COX7B2: variants seen among roughly 807,000 people sequenced by gnomAD.
COX7B2 encodes the protein cytochrome c oxidase subunit 7B2.
For synonymous variants in COX7B2, 37 were observed against 32.1 expected (o/e 1.15, Z -0.51); for missense variants, 109 against 95.9 (o/e 1.14, Z -0.57).
chr4:46,787,080 G>T lies in COX7B2; in HGVS notation c.-49-51839C>A, dbSNP rs1314484966. On this transcript the variant is annotated intron_variant, in intron 2 of 2. Transcript: ENST00000355591. Reference sequence around the variant, plus strand: ...TGTGTGATCTTAGGAAGGAATGGAAGAGTAAGAAGAACTGATAAGGAATTT... The same window carrying T: ...TGTGTGATCTTAGGAAGGAATGGAATAGTAAGAAGAACTGATAAGGAATTT... Among the ~76,000 whole-genome samples, 3 of 152,334 alleles carry T rather than the reference G, an allele frequency of 2.0e-5. No individual in the cohort carries two copies. The South Asian group carries it at 6.2e-4, about 32-fold the overall frequency.
chr4:46,842,123 G>GCTAT (rs1426184909), intron 2 of COX7B2, among the ~76,000 whole-genome samples: 1 of 151,980 alleles, frequency 6.6e-6, no homozygotes, highest in Non-Finnish European at 1.5e-5. Flanking sequence ...TGTTGTCACT[G>GCTAT]CTATTATCAG....
At chr4:46,775,552 C>T (rs1052377316) in intron 2 of COX7B2, among the ~76,000 whole-genome samples, 4 of 151,856 alleles carry the variant, frequency 2.6e-5, no homozygotes, top group African/African-American at 7.3e-5. Flanking sequence ...TGGGTCATAC[C>T]GCAATGAATA....
intron 1 of COX7B2, among the ~76,000 whole-genome samples, chr4:46,857,047 C>G (rs142526184): frequency 1.3e-5 from 2 of 152,234 alleles, no homozygotes; most frequent in African/African-American, 4.8e-5. Context: ...GCCATTATAC[C>G]AGTTCTTACA....
At chr4:46,844,297 T>C (rs1303086834) in intron 2 of COX7B2, among the ~76,000 whole-genome samples, 1 of 151,972 alleles carries the variant, frequency 6.6e-6, no homozygotes, top group African/African-American at 2.4e-5. Flanking sequence ...AGTTTAGGAA[T>C]TAAATATTCC....
intron 1 of COX7B2, among the ~76,000 whole-genome samples, chr4:46,846,341 A>G (rs995823467): frequency 6.6e-6 from 1 of 152,066 alleles, no homozygotes; most frequent in Non-Finnish European, 1.5e-5. Context: ...AACAATAAAT[A>G]TAATGAATAA....
chr4:46,894,303 C>A (rs1462190019), intron 1 of COX7B2, among the ~76,000 whole-genome samples: 1 of 151,520 alleles, frequency 6.6e-6, no homozygotes, highest in East Asian at 1.9e-4. Flanking sequence ...AGCATGGTAC[C>A]AGAACAGAAT....
chr4:46,808,665 A>G (rs1289379580), intron 2 of COX7B2, among the ~76,000 whole-genome samples: 3 of 151,854 alleles, frequency 2.0e-5, no homozygotes, highest in Non-Finnish European at 4.4e-5. Flanking sequence ...TTATAATATT[A>G]GCTGTGGGTT....
intron 2 of COX7B2, among the ~76,000 whole-genome samples, chr4:46,773,023 T>C (rs1343255064): frequency 6.6e-6 from 1 of 152,192 alleles, no homozygotes; most frequent in Non-Finnish European, 1.5e-5. Context: ...CTGAGGATTT[T>C]CATAAAATTA....
intron 2 of COX7B2, among the ~76,000 whole-genome samples, chr4:46,800,616 A>G (rs750876020): frequency 4.6e-5 from 7 of 152,222 alleles, no homozygotes; most frequent in Non-Finnish European, 1.0e-4. Context: ...AGATGAATTA[A>G]AAACTTAAAA....
In COX7B2 at chr4:46,791,938, G is replaced by T. The variant is rs1025935304; in HGVS notation, c.-50+53022C>A. Among the ~76,000 whole-genome samples the T allele has an allele frequency of 5.3e-5, 8 of 152,040 alleles. 1 individual carries two copies. Among genetic ancestry groups the T allele is most frequent in the African/African-American group, 1.4e-4 (6 of 41,380 alleles). On this transcript the variant is annotated intron_variant, in intron 2 of 2. Transcript: ENST00000355591. ...GCTTCTTTTTTATTTTTGATTCTGG[G>T]GTTTATACCAGTAAAATGAGATAAC...
intron 2 of COX7B2, among the ~76,000 whole-genome samples, chr4:46,821,846 A>C (rs558178453): frequency 1.3e-5 from 2 of 152,192 alleles, no homozygotes; most frequent in African/African-American, 4.8e-5. Flanking sequence ...ACATTGCCAA[A>C]ATTGTTGCCA....
chr4:46,757,537 C>T (rs553662116), intron 2 of COX7B2, among the ~76,000 whole-genome samples: 12 of 152,138 alleles, frequency 7.9e-5, no homozygotes, highest in Admixed American at 6.6e-4. Flanking sequence ...TTTTGCAAGC[C>T]AAAGATCTTT....
At chr4:46,892,930 T>C (rs1322536822) in intron 1 of COX7B2, among the ~76,000 whole-genome samples, 2 of 152,176 alleles carry the variant, frequency 1.3e-5, no homozygotes, top group Non-Finnish European at 2.9e-5. Context: ...TCTGATGGTT[T>C]TAAAAGGGGC....
At chr4:46,851,671 A>T (rs543598677) in intron 1 of COX7B2, among the ~76,000 whole-genome samples, 1 of 152,212 alleles carries the variant, frequency 6.6e-6, no homozygotes, top group South Asian at 2.1e-4. Context: ...CTCCTCCAAA[A>T]TGTAATAGTT....
intron 2 of COX7B2, among the ~76,000 whole-genome samples, chr4:46,805,080 CTCCGAGTG>C (rs1261832611): frequency 6.6e-6 from 1 of 152,202 alleles, no homozygotes; most frequent in Non-Finnish European, 1.5e-5. Context: ...TGGCCAGCCA[CTCCGAGTG>C]CAGGACCCGC....
Position 46,794,087 on chromosome 4 carries a change from G to A in COX7B2, c.-50+50873C>T, listed in dbSNP as rs1052752152. The stretch of plus-strand genomic sequence containing the variant: ...TATGACAAGGCTCAAGTATCAGCAA[G>A]CCTCCAAAGGTGAGGTACAAAGTAT... On this transcript the variant is annotated intron_variant, in intron 2 of 2. Transcript: ENST00000355591. Among the ~76,000 whole-genome samples the A allele has an allele frequency of 3.3e-5, 5 of 152,140 alleles. No individual in the cohort carries two copies. The South Asian group carries it at 1.0e-3, about 32-fold the overall frequency.
At chr4:46,767,252 C>G (rs1409385933) in intron 2 of COX7B2, among the ~76,000 whole-genome samples, 1 of 152,098 alleles carries the variant, frequency 6.6e-6, no homozygotes, top group Admixed American at 6.5e-5. Flanking sequence ...CAAAAATTGT[C>G]ATAGAAAGAC....
intron 2 of COX7B2, among the ~76,000 whole-genome samples, chr4:46,747,929 G>T (rs567085642): frequency 9.9e-5 from 15 of 151,400 alleles, no homozygotes; most frequent in African/African-American, 2.9e-4. Flanking sequence ...AAGAACAAAC[G>T]TAATTTATAA....
At chr4:46,858,740 A>G (rs1436593144) in intron 1 of COX7B2, among the ~76,000 whole-genome samples, 5 of 152,294 alleles carry the variant, frequency 3.3e-5, no homozygotes, top group African/African-American at 1.2e-4. Context: ...CCTGAGTCAT[A>G]GGAGTTGTCA....
Sources: gnomAD v4.1 joint callset for allele counts (sites outside exome capture counted in the v4.1 genomes callset) on GRCh38, gnomAD v4.1.1 for gene constraint, MANE v1.5 for transcripts, NCBI Gene and HGNC (gene_info 2026-07-23, HGNC 2026-07-21) for gene names.